The following GLCE variants were observed in gnomAD, a reference collection of about 807,000 sequenced individuals.
GLCE encodes D-glucuronyl C5-epimerase.
A neutral mutation model predicts 47.9 loss-of-function variants in GLCE; 19 were observed. The observed-to-expected ratio is 0.40, with a 90% CI of 0.28 to 0.58. The LOEUF is 0.58. GLCE is among the 20% of genes least tolerant of loss of function. The probability of loss-of-function intolerance (pLI) is 0.48; values close to 1 mark genes in which losing one functional copy is unlikely to be tolerated. For missense variants in GLCE, 556 were observed against 743.3 expected (o/e 0.75, Z 2.93); for synonymous variants, 245 against 263.4 (o/e 0.93, Z 0.68).
intron 1 of GLCE, among the ~76,000 whole-genome samples, chr15:69,183,185 G>A (rs1261693652): frequency 6.6e-6 from 1 of 152,144 alleles, no homozygotes; most frequent in African/African-American, 2.4e-5. Context: ...GCAAGAATTG[G>A]GAAAGGATTG....
chr15:69,186,693 T>A (rs961843596), intron 1 of GLCE, among the ~76,000 whole-genome samples: 41 of 152,196 alleles, frequency 2.7e-4, no homozygotes, highest in African/African-American at 7.5e-4. Flanking sequence ...AGTTAGTATA[T>A]CCAATGGCTA....
Position 69,185,721 on chromosome 15 carries a change from T to C in GLCE, c.-104-24595T>C, listed in dbSNP as rs141629636. ...CTGTGACCAAAGGTATGGGGGTTTT[T>C]CCCTACACACCAAGCAGTGCACATC... On this transcript the variant is annotated intron_variant, in intron 1 of 4. Transcript: ENST00000261858. Among the ~76,000 whole-genome samples the C allele has an allele frequency of 5.8e-3, 883 of 152,120 alleles. 13 individuals are homozygous for C. The highest frequency in any genetic ancestry group is 0.021 in the African/African-American group (859 of 41,526).
chr15:69,222,292 T>A (rs1302688827), intron 2 of GLCE, among the ~76,000 whole-genome samples: 1 of 151,974 alleles, frequency 6.6e-6, no homozygotes, highest in Admixed American at 6.6e-5. Flanking sequence ...GCATTGCAGG[T>A]GGGAGGCATT....
intron 1 of GLCE, among the ~76,000 whole-genome samples, chr15:69,199,660 C>T (rs1055008340): frequency 6.6e-6 from 1 of 152,202 alleles, no homozygotes; most frequent in Admixed American, 6.5e-5. Context: ...CCCAAGCTTT[C>T]TGGTGGCACG....
At chr15:69,175,260 A>G (rs1159240282) in intron 1 of GLCE, among the ~76,000 whole-genome samples, 1 of 152,156 alleles carries the variant, frequency 6.6e-6, no homozygotes, top group African/African-American at 2.4e-5. Flanking sequence ...TTTTTCCATC[A>G]TCCTCACATT....
intron 2 of GLCE, among the ~76,000 whole-genome samples, chr15:69,214,144 T>C (rs1222328286): frequency 6.6e-6 from 1 of 152,066 alleles, no homozygotes; most frequent in Non-Finnish European, 1.5e-5. Context: ...TATTGGAGAA[T>C]AGTATTTAGA....
chr15:69,213,656 T>C (rs1451329311), intron 2 of GLCE, among the ~76,000 whole-genome samples: 1 of 152,126 alleles, frequency 6.6e-6, no homozygotes, highest in African/African-American at 2.4e-5. Flanking sequence ...AATTAGTAAA[T>C]ATTTGGGGGA....
intron 1 of GLCE, among the ~76,000 whole-genome samples, chr15:69,162,897 A>AT (rs77283788): frequency 1.3e-5 from 2 of 152,136 alleles, no homozygotes; most frequent in South Asian, 2.1e-4. Flanking sequence ...CTTAGATACA[A>AT]TTTTTTTTAA....
intron 2 of GLCE, among the ~76,000 whole-genome samples, chr15:69,242,706 G>C (rs1163368577): frequency 6.6e-6 from 1 of 151,896 alleles, no homozygotes; most frequent in African/African-American, 2.4e-5. Flanking sequence ...TTTTTTTAAA[G>C]GTTCATCATA....
At chr15:69,190,788 G>A (rs187270776) in intron 1 of GLCE, among the ~76,000 whole-genome samples, 58 of 152,158 alleles carry the variant, frequency 3.8e-4, no homozygotes, top group Admixed American at 3.3e-3. Context: ...GGTATGATTA[G>A]ACTTTTGTCT....
chr15:69,216,516 A>T (rs1192036344), intron 2 of GLCE, among the ~76,000 whole-genome samples: 1 of 152,172 alleles, frequency 6.6e-6, no homozygotes, highest in Non-Finnish European at 1.5e-5. Flanking sequence ...AGCAAGTTTC[A>T]GTGGTAGTTT....
intron 1 of GLCE, among the ~76,000 whole-genome samples, chr15:69,162,784 GC>G (rs2051444620): frequency 6.6e-6 from 1 of 151,952 alleles, no homozygotes; most frequent in South Asian, 2.1e-4. Flanking sequence ...AAGGTCTTGC[GC>G]TGTTGCCCAG....
intron 2 of GLCE, among the ~76,000 whole-genome samples, chr15:69,247,977 T>C (rs1566967998): frequency 6.6e-6 from 1 of 152,196 alleles, no homozygotes; most frequent in African/African-American, 2.4e-5. Flanking sequence ...ACTGTGAGAA[T>C]TCAGTAACAT....
chr15:69,188,311 T>A (rs2051859474), intron 1 of GLCE, among the ~76,000 whole-genome samples: 1 of 152,168 alleles, frequency 6.6e-6, no homozygotes, highest in East Asian at 1.9e-4. Context: ...TATTGTTGGA[T>A]TTGATTTATG....
intron 4 of GLCE, among the ~76,000 whole-genome samples, chr15:69,264,446 C>T (rs903356936): frequency 6.6e-6 from 1 of 152,108 alleles, no homozygotes; most frequent in Non-Finnish European, 1.5e-5. Flanking sequence ...CTATACTAGA[C>T]ACTTAGGTTG....
chr15:69,176,646 G>T (rs1354938175), intron 1 of GLCE, among the ~76,000 whole-genome samples: 1 of 152,120 alleles, frequency 6.6e-6, no homozygotes, highest in African/African-American at 2.4e-5. Context: ...GCATAAAGGG[G>T]ATCAGTGACA....
chr15:69,213,683 C>G (rs2052264552), intron 2 of GLCE, among the ~76,000 whole-genome samples: 2 of 152,090 alleles, frequency 1.3e-5, no homozygotes, highest in Admixed American at 1.3e-4. Flanking sequence ...TTTGAGGCTT[C>G]AAAAATATCT....
intron 2 of GLCE, among the ~76,000 whole-genome samples, chr15:69,249,925 A>G (rs1381007626): frequency 6.6e-6 from 1 of 152,216 alleles, no homozygotes; most frequent in Non-Finnish European, 1.5e-5. Context: ...AACTATTTCT[A>G]CAAAGAAGTT....
chr15:69,264,485 G>A lies in GLCE; in HGVS notation c.829+3156G>A, dbSNP rs115796588. On this transcript the variant is annotated intron_variant, in intron 4 of 4. Coordinates refer to ENST00000261858, the MANE Select transcript of GLCE (RefSeq NM_015554.3). ...CCATGCCTTGGCTATTGTGAATAAT[G>A]CTGCAAAGAACATGGGAGTGCAGGT... Among the ~76,000 whole-genome samples the A allele has an allele frequency of 6.4e-3, 974 of 152,236 alleles. 22 individuals are homozygous for A. Among genetic ancestry groups the A allele is most frequent in the African/African-American group, 0.022 (921 of 41,522 alleles).
Sources: gnomAD v4.1 joint callset for allele counts (sites outside exome capture counted in the v4.1 genomes callset) on GRCh38, gnomAD v4.1.1 for gene constraint, MANE v1.5 for transcripts, NCBI Gene and HGNC (gene_info 2026-07-23, HGNC 2026-07-21) for gene names.